Variants in GRIP1 observed in about 807,000 individuals in gnomAD.
GRIP1 encodes the protein glutamate receptor-interacting protein 1.
In GRIP1, 45 loss-of-function variants were observed where a neutral mutation model predicts 129.9. The observed-to-expected ratio is 0.35, with a 90% CI of 0.27 to 0.44. GRIP1 has a LOEUF of 0.44. Ranked by LOEUF, GRIP1 falls within the 20% of genes least tolerant of loss-of-function variation. GRIP1 has a pLI of 1.00. For synonymous variants in GRIP1, 530 were observed against 520.8 expected (o/e 1.02, Z -0.24); for missense variants, 1,196 against 1,396.8 (o/e 0.86, Z 2.29).
chr12:66,823,002 G>C (rs766638901), intron 1 of GRIP1, among the ~76,000 whole-genome samples: 1 of 152,114 alleles, frequency 6.6e-6, no homozygotes, highest in Non-Finnish European at 1.5e-5. Flanking sequence ...TATAAAAATA[G>C]ATTAACTAAA....
At chr12:66,856,210 C>G (rs2040000805) in intron 1 of GRIP1, among the ~76,000 whole-genome samples, 1 of 152,056 alleles carries the variant, frequency 6.6e-6, no homozygotes, top group East Asian at 1.9e-4. Flanking sequence ...ACACCTTATA[C>G]AAAAATTAAG....
At chr12:66,531,302 T>TATACAC (rs1565833961) in intron 4 of GRIP1, among the ~76,000 whole-genome samples, 1 of 98,212 alleles carries the variant, frequency 1.0e-5, no homozygotes, top group African/African-American at 3.7e-5. Context: ...TATATATATA[T>TATACAC]ACACACACAC....
chr12:66,966,591 C>T (rs928920017), intron 1 of GRIP1, among the ~76,000 whole-genome samples: 4 of 152,172 alleles, frequency 2.6e-5, no homozygotes, highest in African/African-American at 4.8e-5. Context: ...TGTTTCCTTA[C>T]GGTCCTCTTG....
chr12:66,498,669 G>T (rs541370657), intron 7 of GRIP1, among the ~76,000 whole-genome samples: 30 of 152,068 alleles, frequency 2.0e-4, no homozygotes, highest in African/African-American at 7.0e-4. Flanking sequence ...ACTCAGTTTT[G>T]ACTTTGACAC....
chr12:66,403,645 A>G (rs528285263), intron 16 of GRIP1, among the ~76,000 whole-genome samples: 27 of 152,286 alleles, frequency 1.8e-4, no homozygotes, highest in Non-Finnish European at 2.9e-4. Context: ...TTATAGTCTT[A>G]TTTTGGGTGG....
chr12:66,779,599 T>C lies in GRIP1; in HGVS notation c.-420+24454A>G, dbSNP rs531128115. On this transcript the variant is annotated intron_variant, in intron 1 of 4. Transcript: ENST00000538373. Reference sequence around the variant, plus strand: ...AGCAGCTTAGAGATCATAATGATAGTTATCATACAATCGGGAAACCTGGAT... The same window carrying C: ...AGCAGCTTAGAGATCATAATGATAGCTATCATACAATCGGGAAACCTGGAT... Among the ~76,000 whole-genome samples, 39 of 152,326 alleles carry C rather than the reference T, an allele frequency of 2.6e-4. 1 individual carries two copies. Among genetic ancestry groups the C allele is most frequent in the African/African-American group, 9.1e-4 (38 of 41,574 alleles).
intron 2 of GRIP1, among the ~76,000 whole-genome samples, chr12:66,593,655 G>A (rs2063926413): frequency 6.6e-6 from 1 of 152,126 alleles, no homozygotes; most frequent in African/African-American, 2.4e-5. Flanking sequence ...TTTTTCCACT[G>A]CATTCCACCC....
intron 7 of GRIP1, among the ~76,000 whole-genome samples, chr12:66,507,709 C>T (rs1396548690): frequency 3.3e-5 from 5 of 152,166 alleles, no homozygotes; most frequent in African/African-American, 1.2e-4. Context: ...TAAGTAAGGA[C>T]TACCCATGTA....
At chr12:66,702,225 C>G (rs1011437333) in intron 1 of GRIP1, among the ~76,000 whole-genome samples, 1 of 152,156 alleles carries the variant, frequency 6.6e-6, no homozygotes, top group Non-Finnish European at 1.5e-5. Flanking sequence ...AAAAGGCAAG[C>G]ACCAGATGCA....
chr12:66,928,840 G>C (rs921175797), intron 1 of GRIP1, among the ~76,000 whole-genome samples: 6 of 152,164 alleles, frequency 3.9e-5, no homozygotes, highest in African/African-American at 1.4e-4. Flanking sequence ...AATAATCCAG[G>C]AAGCTGCACA....
chr12:66,544,602 A>G (rs2061889887), intron 2 of GRIP1, among the ~76,000 whole-genome samples: 1 of 152,248 alleles, frequency 6.6e-6, no homozygotes, highest in Non-Finnish European at 1.5e-5. Flanking sequence ...AAGAAGGAAT[A>G]TAAATTAGGC....
chr12:66,628,243 T>C (rs934596176), intron 1 of GRIP1, among the ~76,000 whole-genome samples: 3 of 152,206 alleles, frequency 2.0e-5, no homozygotes, highest in African/African-American at 7.2e-5. Context: ...CATGGCTTGG[T>C]AATTTTATAT....
At chr12:66,408,898 G>A (rs1037099112) in intron 15 of GRIP1, among the ~76,000 whole-genome samples, 3 of 152,150 alleles carry the variant, frequency 2.0e-5, no homozygotes, top group African/African-American at 4.8e-5. Context: ...GGCAGTACTT[G>A]CCATGGGCCT....
chr12:66,584,498 G>A (rs184770621), intron 2 of GRIP1, among the ~76,000 whole-genome samples: 1,980 of 152,212 alleles, frequency 0.013, 19 homozygotes, highest in Non-Finnish European at 0.021. Flanking sequence ...ACTTGAACCC[G>A]GGAGGCGGAG....
intron 1 of GRIP1, among the ~76,000 whole-genome samples, chr12:66,911,386 T>C (rs927569412): frequency 6.6e-6 from 1 of 152,160 alleles, no homozygotes; most frequent in African/African-American, 2.4e-5. Context: ...ATACACAGAG[T>C]CAGTCCACTA....
At chr12:66,703,486 T>G (rs115250406) in intron 1 of GRIP1, among the ~76,000 whole-genome samples, 35 of 152,020 alleles carry the variant, frequency 2.3e-4, no homozygotes, top group African/African-American at 8.4e-4. Flanking sequence ...GTGGAGGCAA[T>G]CATTCCTGCT....
intron 1 of GRIP1, among the ~76,000 whole-genome samples, chr12:66,920,656 C>T (rs1185483381): frequency 6.6e-6 from 1 of 152,182 alleles, no homozygotes; most frequent in African/African-American, 2.4e-5. Context: ...TTTTATGTGT[C>T]TAGGAAAGAA....
intron 1 of GRIP1, among the ~76,000 whole-genome samples, chr12:66,928,998 A>G (rs1383655659): frequency 6.6e-6 from 1 of 152,214 alleles, no homozygotes; most frequent in African/African-American, 2.4e-5. Flanking sequence ...AAGTCAAGAA[A>G]GGTTAAATAA....
chr12:66,711,033 T>C (rs758539112), intron 1 of GRIP1, among the ~76,000 whole-genome samples: 1 of 151,762 alleles, frequency 6.6e-6, no homozygotes, highest in Non-Finnish European at 1.5e-5. Flanking sequence ...TCATAGAGAG[T>C]ATCTTTTCCT....
Sources: gnomAD v4.1 joint callset for allele counts (sites outside exome capture counted in the v4.1 genomes callset) on GRCh38, gnomAD v4.1.1 for gene constraint, MANE v1.5 for transcripts, NCBI Gene and HGNC (gene_info 2026-07-23, HGNC 2026-07-21) for gene names.